Variants in GPC6 observed in about 807,000 individuals in gnomAD.
GPC6 encodes glypican-6.
A neutral mutation model predicts 55.2 loss-of-function variants in GPC6; 14 were observed. That is an observed-to-expected ratio of 0.25 (90% CI 0.17 to 0.40). The LOEUF (loss-of-function observed/expected upper bound fraction) is 0.40. Ranked by LOEUF, GPC6 falls within the 10% of genes least tolerant of loss-of-function variation. The pLI is 1.00. For missense variants in GPC6, 641 were observed against 708.5 expected, an observed-to-expected ratio of 0.90 and a Z score of 1.08; for synonymous variants, 278 against 259.6, an observed-to-expected ratio of 1.07 and a Z score of -0.68.
chr13:93,492,535 C>T (rs1250531635), intron 1 of GPC6, among the ~76,000 whole-genome samples: 3 of 146,410 alleles, frequency 2.0e-5, no homozygotes, highest in Non-Finnish European at 4.5e-5. Flanking sequence ...CCTGATTGCC[C>T]CGGCCAGAAC....
At chr13:93,483,271 CAATT>C (rs1879583996) in intron 1 of GPC6, among the ~76,000 whole-genome samples, 1 of 152,056 alleles carries the variant, frequency 6.6e-6, no homozygotes, top group South Asian at 2.1e-4. Context: ...TTTAGGTTCT[CAATT>C]AAACCAATAT....
intron 4 of GPC6, among the ~76,000 whole-genome samples, chr13:94,085,649 G>A (rs1885256859): frequency 6.6e-6 from 1 of 151,994 alleles, no homozygotes; most frequent in Non-Finnish European, 1.5e-5. Flanking sequence ...ATCCTCACAA[G>A]CCTGTGAAAA....
intron 3 of GPC6, among the ~76,000 whole-genome samples, chr13:93,961,745 T>A (rs1037716113): frequency 1.3e-5 from 2 of 152,210 alleles, no homozygotes; most frequent in Non-Finnish European, 2.9e-5. Context: ...AAAGTTTAGT[T>A]TGATTGCAGT....
chr13:93,723,828 G>A (rs1033402757), intron 2 of GPC6, among the ~76,000 whole-genome samples: 2 of 151,894 alleles, frequency 1.3e-5, no homozygotes, highest in African/African-American at 4.8e-5. Flanking sequence ...AGGTAGCAAG[G>A]AAAATGTGTA....
chr13:93,361,270 A>G (rs1881031172), intron 1 of GPC6, among the ~76,000 whole-genome samples: 1 of 152,102 alleles, frequency 6.6e-6, no homozygotes, highest in African/African-American at 2.4e-5. Context: ...AACAGAGAAA[A>G]TGTTCAAAAC....
intron 1 of GPC6, among the ~76,000 whole-genome samples, chr13:93,514,101 T>G (rs1303627089): frequency 6.6e-6 from 1 of 151,992 alleles, no homozygotes; most frequent in Non-Finnish European, 1.5e-5. Context: ...CTCAAACTCC[T>G]GACCTCAGTG....
intron 2 of GPC6, among the ~76,000 whole-genome samples, chr13:93,743,469 A>G (rs904778057): frequency 6.6e-6 from 1 of 152,168 alleles, no homozygotes; most frequent in South Asian, 2.1e-4. Context: ...TCATCATTAG[A>G]CTAACATTTT....
chr13:94,185,796 TA>T (rs953908069), intron 4 of GPC6, among the ~76,000 whole-genome samples: 10 of 152,008 alleles, frequency 6.6e-5, no homozygotes, highest in Non-Finnish European at 1.3e-4. Context: ...AGAGTTTATT[TA>T]AAAAAAGGTT....
intron 2 of GPC6, among the ~76,000 whole-genome samples, chr13:93,783,038 G>A (rs1292709303): frequency 6.6e-6 from 1 of 152,092 alleles, no homozygotes; most frequent in Admixed American, 6.6e-5. Context: ...TGTTCTCATT[G>A]TTAAGCTCCC....
intron 1 of GPC6, among the ~76,000 whole-genome samples, chr13:93,320,856 T>G (rs1411214485): frequency 6.6e-6 from 1 of 152,012 alleles, no homozygotes; most frequent in Non-Finnish European, 1.5e-5. Flanking sequence ...GAGTACAGAG[T>G]GATTTTTAAG....
intron 1 of GPC6, among the ~76,000 whole-genome samples, chr13:93,282,546 A>T (rs2139069325): frequency 6.6e-6 from 1 of 152,212 alleles, no homozygotes; most frequent in South Asian, 2.1e-4. Context: ...CTTCTTGCCA[A>T]TTTTTTCTCC....
chr13:94,193,369 T>A (rs1327458293), intron 4 of GPC6, among the ~76,000 whole-genome samples: 1 of 152,134 alleles, frequency 6.6e-6, no homozygotes, highest in African/African-American at 2.4e-5. Context: ...GGTGAGGCTG[T>A]AATTTTCAAA....
chr13:94,157,879 G>A (rs1888009919), intron 4 of GPC6, among the ~76,000 whole-genome samples: 2 of 152,134 alleles, frequency 1.3e-5, no homozygotes, highest in South Asian at 4.1e-4. Context: ...GCAGAATTGG[G>A]CCATGATTGA....
chr13:93,486,709 G>A (rs1380237591), intron 1 of GPC6, among the ~76,000 whole-genome samples: 1 of 152,134 alleles, frequency 6.6e-6, no homozygotes, highest in Non-Finnish European at 1.5e-5. Context: ...CACTTTGGGA[G>A]GCCAAGGCAG....
chr13:93,462,619 C>T (rs551678715), intron 1 of GPC6, among the ~76,000 whole-genome samples: 1 of 147,184 alleles, frequency 6.8e-6, no homozygotes, highest in South Asian at 2.2e-4. Flanking sequence ...AAAAAATCCA[C>T]TTAAATTTTG....
At chr13:93,411,723 A>G (rs1021110557) in intron 1 of GPC6, among the ~76,000 whole-genome samples, 2 of 152,160 alleles carry the variant, frequency 1.3e-5, no homozygotes, top group Non-Finnish European at 2.9e-5. Flanking sequence ...TTATAGGCCC[A>G]GGTGCAGTCG....
At chr13:93,287,964 C>T (rs1214046523) in intron 1 of GPC6, among the ~76,000 whole-genome samples, 1 of 152,138 alleles carries the variant, frequency 6.6e-6, no homozygotes, top group African/African-American at 2.4e-5. Flanking sequence ...TGCTCCTAAG[C>T]AATCTCTTGA....
intron 1 of GPC6, among the ~76,000 whole-genome samples, chr13:93,498,001 A>G (rs1374637665): frequency 2.6e-5 from 4 of 152,212 alleles, no homozygotes; most frequent in Non-Finnish European, 5.9e-5. Context: ...TACTGGTTAG[A>G]AAGAAGGATG....
chr13:93,545,197 G>A, intron 1 of GPC6, 66 bp from the exon 2 acceptor site: 2 of 1,349,438 alleles, frequency 1.5e-6, no homozygotes, highest in Non-Finnish European at 2.1e-6. Flanking sequence ...TGTTAGAGAA[G>A]TGAAATCTCT....
Sources: gnomAD v4.1 joint callset for allele counts (sites outside exome capture counted in the v4.1 genomes callset) on GRCh38, gnomAD v4.1.1 for gene constraint, MANE v1.5 for transcripts, NCBI Gene and HGNC (gene_info 2026-07-23, HGNC 2026-07-21) for gene names.